CYP4X1: variants seen among roughly 807,000 people sequenced by gnomAD.
CYP4X1 encodes cytochrome P450 4X1.
A neutral mutation model predicts 57.9 loss-of-function variants in CYP4X1; 44 were observed. The ratio of observed to expected loss-of-function variants is 0.76; its 90% CI spans 0.60 to 0.98. CYP4X1 has a LOEUF of 0.98. Among genes scored for constraint, CYP4X1 ranks in the 50% least tolerant of loss-of-function variants. The pLI, the probability that CYP4X1 is intolerant of heterozygous loss-of-function variation, is 0.00. For synonymous variants in CYP4X1, 227 were observed against 228.6 expected (o/e 0.99, Z 0.06); for missense variants, 532 against 623.9 (o/e 0.85, Z 1.57).
At chr1:46,992,384 T>C in the CYP4X1 span, among the ~76,000 whole-genome samples, 1 of 152,206 alleles carries the variant, frequency 6.6e-6, no homozygotes, top group South Asian at 2.1e-4. Flanking sequence ...CAACAGAAAC[T>C]CTGTAACCAT....
the CYP4X1 span, among the ~76,000 whole-genome samples, chr1:46,984,953 A>G: frequency 7.0e-6 from 1 of 142,790 alleles, no homozygotes; most frequent in African/African-American, 2.8e-5. Flanking sequence ...GCTGAGATCC[A>G]CTGACTTGAA....
the CYP4X1 span, among the ~76,000 whole-genome samples, chr1:46,991,179 A>G: frequency 1.3e-5 from 2 of 152,068 alleles, no homozygotes; most frequent in African/African-American, 4.8e-5. Context: ...GCGTTCTCTC[A>G]AGGTTCAAAG....
chr1:46,986,772 C>T, the CYP4X1 span, among the ~76,000 whole-genome samples: 1 of 152,074 alleles, frequency 6.6e-6, no homozygotes, highest in Non-Finnish European at 1.5e-5. Context: ...TCATCTCCAA[C>T]CAAGCTAAGC....
At chr1:46,978,074 G>A in the CYP4X1 span, among the ~76,000 whole-genome samples, 2 of 152,036 alleles carry the variant, frequency 1.3e-5, no homozygotes, top group Non-Finnish European at 2.9e-5. Context: ...CAACTAATGA[G>A]CAAAATAACC....
the CYP4X1 span, among the ~76,000 whole-genome samples, chr1:46,986,409 T>G: frequency 2.0e-5 from 3 of 152,202 alleles, no homozygotes; most frequent in Admixed American, 1.3e-4. Context: ...TATGTTTGAT[T>G]GGTGTACCTG....
the CYP4X1 span, among the ~76,000 whole-genome samples, chr1:46,978,889 G>A: frequency 1.3e-5 from 2 of 152,126 alleles, no homozygotes; most frequent in African/African-American, 2.4e-5. Flanking sequence ...GGTACATAAC[G>A]AAATGAAGGC....
At chr1:46,991,262 C>T in the CYP4X1 span, among the ~76,000 whole-genome samples, 1 of 152,124 alleles carries the variant, frequency 6.6e-6, no homozygotes, top group East Asian at 1.9e-4. Context: ...TAAATTTTAT[C>T]AAGAAACGAG....
chr1:46,984,948 G>A, the CYP4X1 span, among the ~76,000 whole-genome samples: 1 of 142,790 alleles, frequency 7.0e-6, no homozygotes, highest in African/African-American at 2.8e-5. Flanking sequence ...AGCAAGCTGA[G>A]ATCCACTGAC....
In CYP4X1 at chr1:47,039,491, G is replaced by A; in HGVS notation, c.1032G>A (p.Glu344=). Residue 344 remains glutamate (E), a synonymous_variant, in exon 8 of 12, where the codon GAG becomes GAA. Coordinates refer to ENST00000371901, the MANE Select transcript of CYP4X1 (RefSeq NM_178033.2). ...LNPEHQERCR[E]EVRGILGDGS... is the part of the protein sequence containing the mutation. ...CTGAGCATCAAGAGAGATGCCGGGA[G>A]GAGGTCAGGGGCATCCTGGGGGATG... The A allele has an allele frequency of 6.2e-7, 1 of 1,612,546 alleles. No homozygotes were observed. The highest frequency in any genetic ancestry group is 8.5e-7 in the Non-Finnish European group (1 of 1,179,388).
chr1:46,976,602 C>T, the CYP4X1 span, among the ~76,000 whole-genome samples: 2 of 152,132 alleles, frequency 1.3e-5, no homozygotes, highest in African/African-American at 2.4e-5. Flanking sequence ...CAATGGTTCT[C>T]CCAGCATGGT....
At chr1:47,031,232 T>A (rs942086146) in intron 2 of CYP4X1, among the ~76,000 whole-genome samples, 1 of 152,242 alleles carries the variant, frequency 6.6e-6, no homozygotes, top group East Asian at 1.9e-4. Flanking sequence ...GTCTGCCTCA[T>A]AGGGCTTGCT....
chr1:47,029,893 C>A, intron 1 of CYP4X1, 97 bp from the exon 2 acceptor site: 1 of 1,385,210 alleles, frequency 7.2e-7, no homozygotes, highest in Non-Finnish European at 9.9e-7. Context: ...GGCTCCTCTG[C>A]TTGTGTGACC....
intron 10 of CYP4X1, 40 bp from the exon 11 acceptor site, chr1:47,049,379 ATGT>A (rs1476616073): frequency 6.8e-7 from 1 of 1,468,524 alleles, no homozygotes; most frequent in Non-Finnish European, 9.5e-7. Flanking sequence ...AAATGTGTTC[ATGT>A]TGTTTGGGGG....
downstream of CYP4X1, among the ~76,000 whole-genome samples, chr1:47,052,112 T>C (rs140174088): frequency 1.6e-3 from 246 of 152,274 alleles, 1 homozygote; most frequent in African/African-American, 5.7e-3. Flanking sequence ...TTGCCAATAA[T>C]TTATTTGTCA....
At chr1:46,983,317 A>G in the CYP4X1 span, among the ~76,000 whole-genome samples, 2 of 152,178 alleles carry the variant, frequency 1.3e-5, no homozygotes, top group African/African-American at 4.8e-5. Context: ...AGCCAAGGCC[A>G]TATCTGGTGA....
chr1:47,010,911 T>C, the CYP4X1 span, among the ~76,000 whole-genome samples: 2 of 152,212 alleles, frequency 1.3e-5, no homozygotes, highest in Admixed American at 1.3e-4. Context: ...TAAAAGAGGA[T>C]ACAAACAAAT....
At chr1:47,018,460 C>G in the CYP4X1 span, among the ~76,000 whole-genome samples, 1 of 152,144 alleles carries the variant, frequency 6.6e-6, no homozygotes, top group Non-Finnish European at 1.5e-5. Flanking sequence ...TGCATGATTT[C>G]TGTCATGCTT....
At chr1:47,007,613 A>G in the CYP4X1 span, among the ~76,000 whole-genome samples, 1 of 152,226 alleles carries the variant, frequency 6.6e-6, no homozygotes, top group African/African-American at 2.4e-5. Context: ...AAGGCTTCAG[A>G]TGATCAAACT....
In CYP4X1 at chr1:47,023,954, T is replaced by C. The variant is rs1370366492; in HGVS notation, c.137T>C (p.Phe46Ser). 12 of 1,613,024 alleles carry C rather than the reference T, an allele frequency of 7.4e-6. No homozygotes were observed. The highest frequency in any genetic ancestry group is 1.0e-5 in the Non-Finnish European group (12 of 1,179,850). Reference protein sequence around the residue: ...RQRLLRDLRPFPAPPTHWFLG... With the variant: ...RQRLLRDLRPSPAPPTHWFLG... Reference sequence around the variant, plus strand: ...CGGCTGCTGCGGGACCTGCGCCCCTTCCCAGCGCCCCCCACCCACTGGTTC... The same window carrying C: ...CGGCTGCTGCGGGACCTGCGCCCCTCCCCAGCGCCCCCCACCCACTGGTTC... Residue 46 changes from phenylalanine to serine, a missense_variant, in exon 1 of 12, where the codon TTC becomes TCC. Phe to Ser is a radical substitution (Grantham distance 155). Transcript: ENST00000371901.
Sources: allele counts gnomAD v4.1 joint callset (sites outside exome capture counted in the v4.1 genomes callset), GRCh38; gene constraint gnomAD v4.1.1; transcripts MANE v1.5; gene names NCBI Gene and HGNC (gene_info 2026-07-23, HGNC 2026-07-21).